ACSF3: variants seen among roughly 807,000 people sequenced by gnomAD.
ACSF3 encodes acyl-CoA synthetase family member 3.
Under a neutral mutation model 53.2 loss-of-function variants are expected in ACSF3, and 78 were observed. That is an observed-to-expected ratio of 1.47 (90% CI 1.22 to 1.77). ACSF3 has a LOEUF of 1.77. ACSF3 is among the 40% of genes most tolerant of loss of function. The pLI, the probability that ACSF3 is intolerant of heterozygous loss-of-function variation, is 0.00. For synonymous variants in ACSF3, 414 were observed against 333.1 expected, an observed-to-expected ratio of 1.24 and a Z score of -2.65; for missense variants, 937 against 771.1, an observed-to-expected ratio of 1.22 and a Z score of -2.55.
chr16:89,121,654 G>A (rs1906682877), intron 7 of ACSF3, among the ~76,000 whole-genome samples: 1 of 152,220 alleles, frequency 6.6e-6, no homozygotes, highest in Non-Finnish European at 1.5e-5. Context: ...GTGTTGCCCT[G>A]AGGTTTTCAA....
chr16:89,139,902 T>C (rs1159026367), intron 8 of ACSF3, among the ~76,000 whole-genome samples: 1 of 152,078 alleles, frequency 6.6e-6, no homozygotes, highest in African/African-American at 2.4e-5. Flanking sequence ...CATGACCCCC[T>C]CTTTTTAACG....
At chr16:89,123,329 A>G (rs1350573874) in intron 7 of ACSF3, among the ~76,000 whole-genome samples, 1 of 152,134 alleles carries the variant, frequency 6.6e-6, no homozygotes, top group African/African-American at 2.4e-5. Flanking sequence ...AGCATCAGAG[A>G]CCTGCTGCTC....
chr16:89,136,647 C>T (rs1910539503), intron 8 of ACSF3: 1 of 1,287,234 alleles, frequency 7.8e-7, no homozygotes, highest in African/African-American at 1.5e-5. Flanking sequence ...CGGCCTGCAG[C>T]TCCCCAACGG....
chr16:89,140,998 A>G lies in ACSF3; in HGVS notation c.1367-4269A>G, dbSNP rs572439024. The G allele has an allele frequency of 1.3e-5, 15 of 1,178,270 alleles. No homozygotes were observed. The African/African-American group carries it at 2.4e-4, about 19-fold the overall frequency. The allele number at this position is 1,178,270 out of a possible 1,614,324, so 73.0% of individuals were successfully genotyped here. Reference sequence around the variant, plus strand: ...GCAGCCGACTCCGATTCCAGAATCGATGCATTTTGATAAATAGGTTGTTAT... The same window carrying G: ...GCAGCCGACTCCGATTCCAGAATCGGTGCATTTTGATAAATAGGTTGTTAT... On this transcript the variant is annotated intron_variant, in intron 8 of 10. Transcript: ENST00000614302.
chr16:89,125,465 G>C lies in ACSF3; in HGVS notation c.1239+4552G>C, dbSNP rs1164215855. Among the ~76,000 whole-genome samples the C allele has an allele frequency of 7.9e-5, 12 of 152,280 alleles. 3 individuals are homozygous for C. Among genetic ancestry groups the C allele is most frequent in the East Asian group, 3.9e-4 (2 of 5,192 alleles). On this transcript the variant is annotated intron_variant, in intron 7 of 10. Coordinates refer to ENST00000614302, the MANE Select transcript of ACSF3 (RefSeq NM_001243279.3). ...CCCAGCATTTTGGGAGGCCAAGGCA[G>C]GCTAATCAACTTGAGACCAGGAGCT... is the stretch of plus-strand genomic sequence containing the variant.
intron 6 of ACSF3, 139 bp downstream of exon 6, chr16:89,114,626 G>A: frequency 7.7e-7 from 1 of 1,296,934 alleles, no homozygotes; most frequent in Middle Eastern, 2.6e-4. Context: ...ACTCGGCCAG[G>A]AGAGCACTCA....
rs1460889690 is a variant in ACSF3 at position 89,154,978 on chromosome 16, AC to A, written c.*776del. On this transcript the variant is annotated 3_prime_UTR_variant, in exon 11 of 11. Transcript: ENST00000614302. ...CTCTCCCATCACCGTCTCCACCCAGACCCCCACCTGCCCCATGGCCCCCATT... is the reference window on the plus strand; with the variant it reads ...CTCTCCCATCACCGTCTCCACCCAGACCCCACCTGCCCCATGGCCCCCATT... The A allele has an allele frequency of 2.2e-6, 1 of 453,026 alleles. No individual in the cohort carries two copies. Among genetic ancestry groups the A allele is most frequent in the East Asian group, 7.0e-5 (1 of 14,370 alleles). The allele number at this position is 453,026 out of a possible 1,614,324, so 28.1% of individuals were successfully genotyped here. A position where few individuals can be genotyped will look rare whatever the true frequency, so the allele number is the denominator to read the frequency against.
intron 8 of ACSF3, among the ~76,000 whole-genome samples, chr16:89,144,317 G>A (rs1228292749): frequency 6.6e-6 from 1 of 152,250 alleles, no homozygotes; most frequent in Non-Finnish European, 1.5e-5. Context: ...GCCACGTCGT[G>A]GCTTTGCCTT....
chr16:89,155,195 A>C lies in ACSF3; in HGVS notation c.*988A>C, dbSNP rs532201871. 1.1e-5 allele frequency: 5 copies of C among 454,138 alleles called. No homozygotes were observed. Among genetic ancestry groups the C allele is most frequent in the African/African-American group, 1.0e-4 (5 of 50,128 alleles). 28.1% of individuals were successfully genotyped at this position (454,138 alleles called of 1,614,324 possible). ...AAGTTTCTGGACAATTTTCAGAAGA[A>C]TAGGCTGCCTCCTCCCCACAGCCTG... is the stretch of plus-strand genomic sequence containing the variant. On this transcript the variant is annotated 3_prime_UTR_variant, in exon 11 of 11. Transcript: ENST00000614302.
At position 89,153,960 on chromosome 16, in the gene ACSF3, C is replaced by G. The variant is rs1914424400; in HGVS notation, c.1614-130C>G. ...CGGTGGCCCGGTGCACCTGCCTGGC[C>G]TCAGGATGGCCGAGGCGCCTGGCAA... On this transcript the variant is annotated intron_variant, in intron 10 of 10. Coordinates refer to ENST00000614302, the MANE Select transcript of ACSF3 (RefSeq NM_001243279.3). 28 of 938,554 alleles carry G rather than the reference C, an allele frequency of 3.0e-5. No individual in the cohort carries two copies. In the South Asian group the frequency reaches 3.9e-4, roughly 13 times the overall value. 58.1% of individuals were successfully genotyped at this position (938,554 alleles called of 1,614,324 possible). A position where few individuals can be genotyped will look rare whatever the true frequency, so the allele number is the denominator to read the frequency against.
intron 7 of ACSF3, among the ~76,000 whole-genome samples, chr16:89,121,356 T>G (rs34573246): frequency 0.75 from 114,254 of 152,170 alleles, 43,390 homozygotes; most frequent in Non-Finnish European, 0.8. Flanking sequence ...CAGGCCCCCA[T>G]AGTAGGTGTG....
chr16:89,125,747 C>T (rs891253509), intron 7 of ACSF3, among the ~76,000 whole-genome samples: 8 of 151,390 alleles, frequency 5.3e-5, no homozygotes, highest in East Asian at 3.9e-4. Flanking sequence ...CCATTCTGAT[C>T]GGGGAGATCA....
At position 89,133,256 on chromosome 16, in the gene ACSF3, A is replaced by G; in HGVS notation, c.1360A>G (p.Lys454Glu). 6.2e-7 allele frequency: 1 copy of G among 1,614,088 alleles called. No homozygotes were observed. Among genetic ancestry groups the G allele is most frequent in the Non-Finnish European group, 8.5e-7 (1 of 1,179,952 alleles). ...TGCATTCACCCTGGATGGCTGGTTT[A>G]AGACAGGTAGGACCCAGCCCCATGG... ...KSAFTLDGWF[K>E]TGDTVVFKDG... The change falls in exon 8 of 11, where the codon AAG becomes GAG. Residue 454 changes from lysine to glutamate, a missense_variant. Transcript: ENST00000614302.
intron 1 of ACSF3, among the ~76,000 whole-genome samples, chr16:89,094,864 C>T (rs1057463804): frequency 4.6e-4 from 70 of 152,220 alleles, no homozygotes; most frequent in African/African-American, 1.6e-3. Context: ...CATTGCACTC[C>T]AGCCTAGGTG....
At chr16:89,111,756 C>G (rs1404624802) in intron 4 of ACSF3, among the ~76,000 whole-genome samples, 2 of 152,252 alleles carry the variant, frequency 1.3e-5, no homozygotes, top group Admixed American at 6.5e-5. Context: ...GGTCTGCGGG[C>G]AGCCAGGCCC....
chr16:89,135,147 T>G (rs1910161823), intron 8 of ACSF3, among the ~76,000 whole-genome samples: 2 of 151,330 alleles, frequency 1.3e-5, no homozygotes, highest in Non-Finnish European at 2.9e-5. Flanking sequence ...TTAAGTAATA[T>G]TTTCCAAAAA....
chr16:89,135,007 C>T (rs1378616610), intron 8 of ACSF3, among the ~76,000 whole-genome samples: 7 of 150,972 alleles, frequency 4.6e-5, no homozygotes, highest in East Asian at 1.9e-4. Flanking sequence ...TGTATTTATC[C>T]GGAAGATGTG....
intron 8 of ACSF3, among the ~76,000 whole-genome samples, chr16:89,134,329 G>T (rs1296397916): frequency 1.3e-5 from 2 of 152,220 alleles, no homozygotes; most frequent in Admixed American, 6.5e-5. Context: ...ATGGAACCCA[G>T]TGACTAGTGT....
intron 1 of ACSF3, among the ~76,000 whole-genome samples, chr16:89,096,049 A>T (rs1040671208): frequency 1.3e-5 from 2 of 151,882 alleles, no homozygotes; most frequent in African/African-American, 4.8e-5. Flanking sequence ...GAACACCGAG[A>T]GGTCCTGCCT....
Sources: allele counts gnomAD v4.1 joint callset (sites outside exome capture counted in the v4.1 genomes callset), GRCh38; gene constraint gnomAD v4.1.1; transcripts MANE v1.5; gene names NCBI Gene and HGNC (gene_info 2026-07-23, HGNC 2026-07-21).